The following MDN1 variants were observed in gnomAD, a reference collection of about 807,000 sequenced individuals.
The protein encoded by MDN1 is midasin.
Under a neutral mutation model 669.2 loss-of-function variants are expected in MDN1, and 266 were observed. That is an observed-to-expected ratio of 0.40 (90% CI 0.36 to 0.44). The LOEUF is 0.44. MDN1 is among the 20% of genes least tolerant of loss of function. The probability of loss-of-function intolerance (pLI) is 1.00; values close to 1 mark genes in which losing one functional copy is unlikely to be tolerated. For missense variants in MDN1, 5,940 were observed against 6,754.0 expected (o/e 0.88, Z 4.22); for synonymous variants, 2,385 against 2,457.1 (o/e 0.97, Z 0.87).
intron 26 of MDN1, among the ~76,000 whole-genome samples, chr6:89,747,816 G>A (rs371259883): frequency 4.7e-5 from 7 of 149,906 alleles, no homozygotes; most frequent in East Asian, 2.0e-4. Context: ...GCATGAACCC[G>A]GGAGGGGGAG....
chr6:89,683,146 G>A lies in MDN1; in HGVS notation c.12088C>T (p.Pro4030Ser). Reference protein sequence around the residue: ...RALRETLLAQPAAGQATIPEW... With the variant: ...RALRETLLAQSAAGQATIPEW... Reference sequence around the variant, plus strand: ...CAACCAAGTACCTGCCCAGCTGCTGGTTGGGCTAACAGGGTCTCCCTCAGT... The same window carrying A: ...CAACCAAGTACCTGCCCAGCTGCTGATTGGGCTAACAGGGTCTCCCTCAGT... Residue 4030 changes from proline to serine, a missense_variant, in exon 73 of 102, where the codon CCA becomes TCA. By Grantham distance (74) the Pro-to-Ser change is moderately conservative. This residue lies in a region of MDN1 where 2,280 missense variants were observed against 2,576.3 expected (regional missense o/e 0.88). Transcript: ENST00000369393. 1.9e-6 allele frequency: 3 copies of A among 1,614,116 alleles called. No individual in the cohort carries two copies. The highest frequency in any genetic ancestry group is 2.5e-6 in the Non-Finnish European group (3 of 1,180,022).
At chr6:89,690,245 G>C in intron 64 of MDN1, 102 bp from the exon 65 acceptor site, 7 of 1,211,662 alleles carry the variant, frequency 5.8e-6, no homozygotes, top group Non-Finnish European at 8.1e-6. Context: ...CTGAAAAAAT[G>C]AAATAGGACT....
In MDN1 at chr6:89,662,193, T is replaced by C; in HGVS notation, c.14459A>G (p.Asn4820Ser). 3.7e-6 allele frequency: 6 copies of C among 1,614,024 alleles called. No homozygotes were observed. The highest frequency in any genetic ancestry group is 1.1e-5 in the South Asian group (1 of 91,042). ...VAKDDNLDSGNSNKDKSQQDK... is the reference protein window; with the variant it reads ...VAKDDNLDSGSSNKDKSQQDK... ...TTGCTGGCTTTTATCTTTGTTTGAATTGCCACTATCCAAGTTGTCATCTTT... is the reference window on the plus strand; with the variant it reads ...TTGCTGGCTTTTATCTTTGTTTGAACTGCCACTATCCAAGTTGTCATCTTT... Residue 4820 changes from asparagine to serine, a missense_variant, in exon 87 of 102, where the codon AAT becomes AGT. Physicochemically the swap from Asn to Ser is conservative, Grantham distance 46 (BLOSUM62 1). Coordinates refer to ENST00000369393, the MANE Select transcript of MDN1 (RefSeq NM_014611.3).
chr6:89,739,550 C>G (rs1301819387), intron 32 of MDN1, among the ~76,000 whole-genome samples: 1 of 152,192 alleles, frequency 6.6e-6, no homozygotes, highest in African/African-American at 2.4e-5. Flanking sequence ...TTCTTCTCAT[C>G]ATCCCTGACC....
At position 89,747,370 on chromosome 6, in the gene MDN1, G is replaced by A; in HGVS notation, c.3863C>T (p.Thr1288Ile). ...WAERYRLAEP[T>I]EKEYDWLQHL... ...CTGTAGCCAGTCATACTCCTTCTCG[G>A]TCGGCTCAGCCAATCTGTATCTTTC... The change falls in exon 27 of 102, where the codon ACC becomes ATC. Residue 1288 changes from threonine (T) to isoleucine (I), a missense_variant. By Grantham distance (89) the Thr-to-Ile change is moderately conservative. Coordinates refer to ENST00000369393, the MANE Select transcript of MDN1 (RefSeq NM_014611.3). 6.2e-7 allele frequency: 1 copy of A among 1,614,046 alleles called. No individual in the cohort carries two copies. Among genetic ancestry groups the A allele is most frequent in the Non-Finnish European group, 8.5e-7 (1 of 1,180,004 alleles).
chr6:89,774,606 T>C lies in MDN1; in HGVS notation c.1934+15A>G, dbSNP rs1818258964. On this transcript the variant is annotated intron_variant, in intron 13 of 101. Coordinates refer to ENST00000369393, the MANE Select transcript of MDN1 (RefSeq NM_014611.3). ...AAACCCCACAGTTGGCAGCTTAGTT[T>C]AGAGCCCTACTTACCTCTGTAGGTG... The C allele has an allele frequency of 1.3e-6, 2 of 1,595,350 alleles. No homozygotes were observed. The highest frequency in any genetic ancestry group is 1.7e-6 in the Non-Finnish European group (2 of 1,163,096).
At chr6:89,772,443 G>T in intron 14 of MDN1, 130 bp downstream of exon 14, 1 of 944,202 alleles carries the variant, frequency 1.1e-6, no homozygotes, top group African/African-American at 1.6e-5. Context: ...GTTATTTCCA[G>T]GCAGAGATTA....
chr6:89,692,791 C>CA lies in MDN1; in HGVS notation c.10238dup (p.Val3414GlyfsTer4). On this transcript the variant is annotated frameshift_variant, in exon 63 of 102. Transcript: ENST00000369393. LOFTEE classifies it high-confidence loss of function. ...GTGAGGTGTGGAGCTCAGAGGCCAC[C>CA]AGCCTCATGCCATGTTGTAACTGCA... 6.2e-7 allele frequency: 1 copy of CA among 1,614,126 alleles called. No homozygotes were observed. Among genetic ancestry groups the CA allele is most frequent in the Non-Finnish European group, 8.5e-7 (1 of 1,180,002 alleles).
intron 100 of MDN1, among the ~76,000 whole-genome samples, chr6:89,646,105 G>C (rs193022742): frequency 6.6e-6 from 1 of 152,288 alleles, no homozygotes; most frequent in East Asian, 1.9e-4. Flanking sequence ...TACATGAAAA[G>C]TTGGCCCTCC....
At chr6:89,700,566 C>A in intron 56 of MDN1, 80 bp downstream of exon 56, 2 of 1,440,970 alleles carry the variant, frequency 1.4e-6, no homozygotes, top group Non-Finnish European at 9.6e-7. Context: ...AAAGAAAAAT[C>A]TAAGGGAAAA....
At chr6:89,759,816 A>T (rs1817443398) in intron 17 of MDN1, among the ~76,000 whole-genome samples, 2 of 151,786 alleles carry the variant, frequency 1.3e-5, no homozygotes, top group African/African-American at 4.8e-5. Context: ...TCATGCCTGT[A>T]ATCGCAGCAC....
intron 54 of MDN1, 76 bp from the exon 55 acceptor site, chr6:89,701,754 TTTC>T: frequency 6.6e-7 from 1 of 1,513,168 alleles, no homozygotes; most frequent in Non-Finnish European, 8.9e-7. Flanking sequence ...CCATTAATAT[TTTC>T]TTTCTTTCTT....
rs199837313 is a variant in MDN1 at position 89,772,724 on chromosome 6, G to A, written c.1935-3C>T. The A allele has an allele frequency of 2.5e-6, 4 of 1,611,408 alleles. No homozygotes were observed. The African/African-American group carries it at 4.0e-5, about 16-fold the overall frequency. On this transcript the variant is annotated splice_region_variant and splice_polypyrimidine_tract_variant and intron_variant, in intron 13 of 101. Coordinates refer to ENST00000369393, the MANE Select transcript of MDN1 (RefSeq NM_014611.3). ...TAGCAGCGAAAGTGAACTTCTCCCT[G>A]GGAAGGAGAAAAAAAGAGTTTAAAA...
rs1377392382 is a variant in MDN1, at chr6:89,803,500, A to C, written c.157T>G (p.Leu53Val). 1.2e-6 allele frequency: 2 copies of C among 1,614,028 alleles called. No homozygotes were observed. Among genetic ancestry groups the C allele is most frequent in the African/African-American group, 2.7e-5 (2 of 74,932 alleles). The change falls in exon 2 of 102, where the codon TTG becomes GTG. Residue 53 changes from leucine (L) to valine (V), a missense_variant. Around this residue, in one of 5 missense-constraint regions of MDN1, gnomAD observed 1,203 missense variants for 1,268.9 expected, o/e 0.95. Transcript: ENST00000369393. The part of the protein sequence containing the change: ...CVLSTLAQLL[L>V]DKDCTVLVGR... ...ACCAGCACAGTACAGTCCTTATCCA[A>C]AAGCAACTGTGCTAAGGTACTCAGG...
chr6:89,805,423 T>C (rs1398419313), intron 1 of MDN1, among the ~76,000 whole-genome samples: 1 of 152,146 alleles, frequency 6.6e-6, no homozygotes, highest in Admixed American at 6.5e-5. Context: ...GCGCCTGTAG[T>C]CTCAGCTCCT....
At chr6:89,812,876 A>G (rs1348270886) in intron 1 of MDN1, among the ~76,000 whole-genome samples, 1 of 152,086 alleles carries the variant, frequency 6.6e-6, no homozygotes, top group Non-Finnish European at 1.5e-5. Context: ...AGGTGGGAGG[A>G]TAGCTTGAGC....
rs372211837 is a variant in MDN1 at position 89,781,514 on chromosome 6, T to C, written c.1528A>G (p.Lys510Glu). ...GAACTATCACTCCAAGAGTGATGTT[T>C]CTCTCCAGTAAGTTGGATATAAATG... is the stretch of plus-strand genomic sequence containing the variant. ...LDIYIQLTGEKHHSWSDSSVG... is the reference protein window; with the variant it reads ...LDIYIQLTGEEHHSWSDSSVG... Residue 510 changes from lysine to glutamate, a missense_variant, in exon 10 of 102, where the codon AAA (lysine) becomes GAA (glutamate). Lys to Glu is a moderately conservative substitution (Grantham distance 56). This residue lies in a region of MDN1 where 1,203 missense variants were observed against 1,268.9 expected (regional missense o/e 0.95). Transcript: ENST00000369393. 1 of 1,613,790 alleles carries C rather than the reference T, an allele frequency of 6.2e-7. No individual in the cohort carries two copies. Among genetic ancestry groups the C allele is most frequent in the Non-Finnish European group, 8.5e-7 (1 of 1,179,850 alleles).
Position 89,694,163 on chromosome 6 carries a change from T to C in MDN1, c.9792A>G (p.Glu3264=), listed in dbSNP as rs1232086403. Residue 3264 remains glutamate, a synonymous_variant, in exon 62 of 102, where the codon GAA becomes GAG. Coordinates refer to ENST00000369393, the MANE Select transcript of MDN1 (RefSeq NM_014611.3). ...GGGATGACAGGTTCCGGGTCTTCCA[T>C]TCACACTGCAGTTGGTGTAACTAAT... ...VKEELHQLQC[E]WKTRNLSSQL... 3 of 1,614,138 alleles carry C rather than the reference T, an allele frequency of 1.9e-6. No individual in the cohort carries two copies. Among genetic ancestry groups the C allele is most frequent in the Non-Finnish European group, 2.5e-6 (3 of 1,179,982 alleles).
intron 34 of MDN1, 57 bp from the exon 35 acceptor site, chr6:89,730,980 A>G (rs1377245953): frequency 2.2e-5 from 33 of 1,468,956 alleles, no homozygotes; most frequent in Non-Finnish European, 2.9e-5. Flanking sequence ...CTTCACCACC[A>G]TTAAGCAGGA....
Sources: allele counts gnomAD v4.1 joint callset (sites outside exome capture counted in the v4.1 genomes callset), GRCh38; gene constraint gnomAD v4.1.1; regional missense constraint gnomAD v4.1.1; transcripts MANE v1.5; gene names NCBI Gene and HGNC (gene_info 2026-07-23, HGNC 2026-07-21).